The following LMTK2 variants were observed in gnomAD, a reference collection of about 807,000 sequenced individuals.
LMTK2 encodes the protein lemur tail kinase 2, also known as serine/threonine-protein kinase LMTK2.
A neutral mutation model predicts 127.5 loss-of-function variants in LMTK2; 37 were observed. The ratio of observed to expected loss-of-function variants is 0.29; its 90% CI spans 0.22 to 0.38. The LOEUF (loss-of-function observed/expected upper bound fraction) is 0.38, where lower values mean the gene tolerates loss of function less well. LMTK2 is among the 10% of genes least tolerant of loss of function. LMTK2 has a pLI of 1.00. For missense variants in LMTK2, 1,694 were observed against 1,920.3 expected, an observed-to-expected ratio of 0.88 and a Z score of 2.20; for synonymous variants, 819 against 810.1, an observed-to-expected ratio of 1.01 and a Z score of -0.19.
At position 98,191,672 on chromosome 7, in the gene LMTK2, G is replaced by T; in HGVS notation, c.1207G>T (p.Val403Leu). The change falls in exon 11 of 14, where the codon GTG (valine) becomes TTG (leucine). Residue 403 changes from valine to leucine, a missense_variant. Physicochemically the swap from Val to Leu is conservative, Grantham distance 32. Coordinates refer to ENST00000297293, the MANE Select transcript of LMTK2 (RefSeq NM_014916.4). ...SPEKRPAAED[V>L]HRLLTYLRLQ... ...AGAAAAGAGACCCGCGGCTGAAGATGTGCACAGGCTGCTGACTTACCTGCG... is the reference window on the plus strand; with the variant it reads ...AGAAAAGAGACCCGCGGCTGAAGATTTGCACAGGCTGCTGACTTACCTGCG... 1 of 1,614,060 alleles carries T rather than the reference G, an allele frequency of 6.2e-7. No individual in the cohort carries two copies. Among genetic ancestry groups the T allele is most frequent in the Non-Finnish European group, 8.5e-7 (1 of 1,179,992 alleles).
At position 98,205,783 on chromosome 7, in the gene LMTK2, C is replaced by T. The variant is rs1056862391; in HGVS notation, c.*291C>T. 1.9e-5 allele frequency: 10 copies of T among 529,904 alleles called. No homozygotes were observed. Among genetic ancestry groups the T allele is most frequent in the African/African-American group, 1.3e-4 (7 of 52,248 alleles). 32.8% of individuals were successfully genotyped at this position (529,904 alleles called of 1,614,324 possible). A position where few individuals can be genotyped will look rare whatever the true frequency, so the allele number is the denominator to read the frequency against. ...CGCTGGCCGTCGGGGGAGGCAGGGGCACAGCCTCCATGTGCGCGCGCGTGT... is the reference window on the plus strand; with the variant it reads ...CGCTGGCCGTCGGGGGAGGCAGGGGTACAGCCTCCATGTGCGCGCGCGTGT... On this transcript the variant is annotated 3_prime_UTR_variant, in exon 14 of 14. Coordinates refer to ENST00000297293, the MANE Select transcript of LMTK2 (RefSeq NM_014916.4).
rs1276593743 is a variant in LMTK2, at chr7:98,137,454, G to A, written c.231+12G>A. 1.9e-6 allele frequency: 3 copies of A among 1,601,450 alleles called. No individual in the cohort carries two copies. The highest frequency in any genetic ancestry group is 2.2e-5 in the East Asian group (1 of 44,742). On this transcript the variant is annotated intron_variant, in intron 2 of 13. Coordinates refer to ENST00000297293, the MANE Select transcript of LMTK2 (RefSeq NM_014916.4). The stretch of plus-strand genomic sequence containing the variant: ...AAATAGACTTTAAGGTGAGCACAGA[G>A]GGTAGGAACATTTAAAATGGTCTTC...
intron 5 of LMTK2, among the ~76,000 whole-genome samples, chr7:98,155,570 C>T (rs189252036): frequency 3.0e-4 from 46 of 151,228 alleles, no homozygotes; most frequent in Admixed American, 2.6e-3. Flanking sequence ...TTACCTATAG[C>T]GGGAAGCAAT....
intron 4 of LMTK2, among the ~76,000 whole-genome samples, 189 bp downstream of exon 4, chr7:98,151,644 C>T (rs1321862762): frequency 6.6e-6 from 1 of 152,184 alleles, no homozygotes; most frequent in African/African-American, 2.4e-5. Flanking sequence ...CGAGCCTTTT[C>T]CAGAAAGGAT....
chr7:98,122,726 GTATATA>G (rs72372592), intron 1 of LMTK2, among the ~76,000 whole-genome samples: 4,080 of 14,162 alleles, frequency 0.29, 173 homozygotes, highest in Non-Finnish European at 0.4. Context: ...GTGTGTGTGT[GTATATA>G]TATAACTGGA....
chr7:98,174,120 AAAG>A (rs1345089873), intron 7 of LMTK2, among the ~76,000 whole-genome samples: 6 of 148,694 alleles, frequency 4.0e-5, no homozygotes, highest in Admixed American at 1.3e-4. Context: ...AAAAAAAAAA[AAAG>A]AAAAAGTAAT....
At chr7:98,122,809 T>C (rs1484462875) in intron 1 of LMTK2, among the ~76,000 whole-genome samples, 1 of 151,790 alleles carries the variant, frequency 6.6e-6, no homozygotes, top group Non-Finnish European at 1.5e-5. Flanking sequence ...TGAGCCACTG[T>C]GCCTGGCCTG....
chr7:98,114,626 CT>C (rs1376686403), intron 1 of LMTK2, among the ~76,000 whole-genome samples: 2 of 152,162 alleles, frequency 1.3e-5, no homozygotes, highest in Non-Finnish European at 2.9e-5. Context: ...AAAGTAGCCC[CT>C]GTCTCCCTGC....
At chr7:98,191,556 C>CAAAA in intron 10 of LMTK2, 58 bp from the exon 11 acceptor site, 46 of 1,243,168 alleles carry the variant, frequency 3.7e-5, no homozygotes, top group Non-Finnish European at 4.4e-5. Context: ...CGTCTCGAAC[C>CAAAA]AAAAAAAAAA....
chr7:98,114,773 T>G (rs1350488952), intron 1 of LMTK2, among the ~76,000 whole-genome samples: 3 of 152,146 alleles, frequency 2.0e-5, no homozygotes, highest in Non-Finnish European at 2.9e-5. Context: ...CCATGCAAAT[T>G]CCCATCTTCT....
chr7:98,118,773 G>C (rs553754787), intron 1 of LMTK2, among the ~76,000 whole-genome samples: 1 of 152,118 alleles, frequency 6.6e-6, no homozygotes, highest in Non-Finnish European at 1.5e-5. Context: ...GATGGCTTGC[G>C]TGCAGATCAC....
intron 1 of LMTK2, among the ~76,000 whole-genome samples, chr7:98,131,189 AC>A (rs1796515821): frequency 6.6e-6 from 1 of 152,184 alleles, no homozygotes; most frequent in African/African-American, 2.4e-5. Flanking sequence ...CAAGCACATG[AC>A]CATTATCACT....
In LMTK2 at chr7:98,107,266, C is replaced by T. The variant is rs894392671; in HGVS notation, c.89C>T (p.Pro30Leu). 7.0e-7 allele frequency: 1 copy of T among 1,422,630 alleles called. No homozygotes were observed. The highest frequency in any genetic ancestry group is 1.4e-5 in the South Asian group (1 of 69,904). The allele number at this position is 1,422,630 out of a possible 1,614,324, so 88.1% of individuals were successfully genotyped here. A position where few individuals can be genotyped will look rare whatever the true frequency, so the allele number is the denominator to read the frequency against. ...GGCAGTGCTGGGGCCGCGCCACTTCCGCAAACAGGTGCAGGTGAGCGGGCC... is the reference window on the plus strand; with the variant it reads ...GGCAGTGCTGGGGCCGCGCCACTTCTGCAAACAGGTGCAGGTGAGCGGGCC... Reference protein sequence around the residue: ...IAGSAGAAPLPQTGAGEAPPA... With the variant: ...IAGSAGAAPLLQTGAGEAPPA... Residue 30 changes from proline to leucine, a missense_variant, in exon 1 of 14, where the codon CCG becomes CTG. By Grantham distance (98) the Pro-to-Leu change is moderately conservative. Around this residue, in one of 8 missense-constraint regions of LMTK2, gnomAD observed 76 missense variants for 82.0 expected, o/e 0.93. Transcript: ENST00000297293.
chr7:98,154,861 A>G lies in LMTK2; in HGVS notation c.554A>G (p.Asn185Ser). ...NPKEQDTFLK[N>S]GEPYYILQHP... ...AAGGAACAAGATACTTTTTTGAAAA[A>G]TGGAGAACCTTACTAGTAAGTAAAC... Residue 185 changes from asparagine to serine, a missense_variant, in exon 5 of 14, where the codon AAT becomes AGT. By Grantham distance (46) the Asn-to-Ser change is conservative (BLOSUM62 1). Around this residue, in one of 8 missense-constraint regions of LMTK2, gnomAD observed 203 missense variants for 226.2 expected, o/e 0.90. Coordinates refer to ENST00000297293, the MANE Select transcript of LMTK2 (RefSeq NM_014916.4). The G allele has an allele frequency of 6.3e-7, 1 of 1,599,998 alleles. No individual in the cohort carries two copies. The highest frequency in any genetic ancestry group is 8.6e-7 in the Non-Finnish European group (1 of 1,167,072).
chr7:98,164,549 C>G (rs1051150041), intron 6 of LMTK2, among the ~76,000 whole-genome samples: 3 of 152,166 alleles, frequency 2.0e-5, no homozygotes, highest in African/African-American at 7.2e-5. Context: ...AAGGAAAATG[C>G]TCAGTAAGTG....
chr7:98,127,283 G>T (rs1796457209), intron 1 of LMTK2, among the ~76,000 whole-genome samples: 2 of 152,190 alleles, frequency 1.3e-5, no homozygotes, highest in African/African-American at 4.8e-5. Context: ...TTGTCAGGGT[G>T]TTAGAAGAGG....
In LMTK2 at chr7:98,191,632, C is replaced by G; in HGVS notation, c.1167C>G (p.Phe389Leu). The G allele has an allele frequency of 6.2e-7, 1 of 1,608,670 alleles. No homozygotes were observed. Among genetic ancestry groups the G allele is most frequent in the Non-Finnish European group, 8.5e-7 (1 of 1,177,262 alleles). The change falls in exon 11 of 14, where the codon TTC becomes TTG. Residue 389 changes from phenylalanine to leucine, a missense_variant. By Grantham distance (22) the Phe-to-Leu change is conservative. Transcript: ENST00000297293. ...YSDRWYEVLQFCWLSPEKRPA... is the reference protein window; with the variant it reads ...YSDRWYEVLQLCWLSPEKRPA... ...TGCTCAGGTATGAAGTCTTACAGTT[C>G]TGTTGGCTGTCACCAGAAAAGAGAC...
At chr7:98,127,312 C>T (rs1425712224) in intron 1 of LMTK2, among the ~76,000 whole-genome samples, 1 of 152,098 alleles carries the variant, frequency 6.6e-6, no homozygotes, top group Non-Finnish European at 1.5e-5. Flanking sequence ...CTTAGTGGTC[C>T]TAACGTGCTA....
rs116668205 is a variant in LMTK2 at position 98,168,150 on chromosome 7, G to C, written c.658-3391G>C. On this transcript the variant is annotated intron_variant, in intron 6 of 13. Coordinates refer to ENST00000297293, the MANE Select transcript of LMTK2 (RefSeq NM_014916.4). The stretch of plus-strand genomic sequence containing the variant: ...CTTCTGAGGAGTTTAACTACGGAAA[G>C]GAGAAAGAAGTGGAGGGCTGGGGAG... Among the ~76,000 whole-genome samples the C allele has an allele frequency of 7.6e-3, 1,150 of 152,268 alleles. 17 individuals are homozygous for C. The highest frequency in any genetic ancestry group is 0.026 in the African/African-American group (1,065 of 41,528).
Sources: gnomAD v4.1 joint callset for allele counts (sites outside exome capture counted in the v4.1 genomes callset) on GRCh38, gnomAD v4.1.1 for gene constraint, gnomAD v4.1.1 regional missense constraint, MANE v1.5 for transcripts, NCBI Gene and HGNC (gene_info 2026-07-23, HGNC 2026-07-21) for gene names.